Variants in BMPER observed in about 807,000 individuals in gnomAD.
BMPER encodes BMP binding endothelial regulator, also known as BMP-binding endothelial regulator protein.
Under a neutral mutation model 87.3 loss-of-function variants are expected in BMPER, and 45 were observed. That is an observed-to-expected ratio of 0.52 (90% CI 0.41 to 0.66). The LOEUF (loss-of-function observed/expected upper bound fraction) is 0.66. BMPER is among the 30% of genes least tolerant of loss of function. The pLI is 0.00. For missense variants in BMPER, 784 were observed against 867.5 expected, an observed-to-expected ratio of 0.90 and a Z score of 1.21; for synonymous variants, 326 against 316.2, an observed-to-expected ratio of 1.03 and a Z score of -0.33.
Position 33,928,882 on chromosome 7 carries a change from G to A in BMPER, c.220-8407G>A, listed in dbSNP as rs565421933. 1.8e-4 allele frequency among the ~76,000 whole-genome samples: 28 copies of A among 152,056 alleles called. 1 individual carries two copies. Among genetic ancestry groups the A allele is most frequent in the Admixed American group, 5.2e-4 (8 of 15,244 alleles). On this transcript the variant is annotated intron_variant, in intron 2 of 14. Transcript: ENST00000649409. ...TAGGGCCATATATCATCAGAACATC[G>A]TCTTTGTAGGGGATATGGGTACTAA...
chr7:34,053,754 G>T (rs1047656484), intron 8 of BMPER, among the ~76,000 whole-genome samples: 2 of 152,106 alleles, frequency 1.3e-5, no homozygotes, highest in Non-Finnish European at 2.9e-5. Flanking sequence ...TTGTCTCAGG[G>T]GTAGAAGAGG....
intron 6 of BMPER, among the ~76,000 whole-genome samples, chr7:34,002,938 T>C (rs1268019921): frequency 2.0e-5 from 3 of 151,598 alleles, no homozygotes; most frequent in Non-Finnish European, 4.4e-5. Flanking sequence ...TATATAGTTT[T>C]ATCCTGCTTT....
chr7:34,120,456 T>C (rs1790234590), intron 13 of BMPER, among the ~76,000 whole-genome samples: 1 of 151,758 alleles, frequency 6.6e-6, no homozygotes, highest in Non-Finnish European at 1.5e-5. Context: ...TGGAGTGCGA[T>C]GGCACAATCT....
intron 11 of BMPER, among the ~76,000 whole-genome samples, chr7:34,062,769 G>A (rs904012143): frequency 6.6e-6 from 1 of 152,122 alleles, no homozygotes; most frequent in Non-Finnish European, 1.5e-5. Flanking sequence ...AATACTGTAG[G>A]CAATTGTAAT....
At chr7:33,920,412 TC>T (rs1239877608) in intron 2 of BMPER, among the ~76,000 whole-genome samples, 1 of 131,338 alleles carries the variant, frequency 7.6e-6, no homozygotes, top group African/African-American at 3.0e-5. Context: ...CCAGGGAAAC[TC>T]CGTTGTGTTT....
intron 11 of BMPER, among the ~76,000 whole-genome samples, chr7:34,078,334 A>G (rs1425093525): frequency 1.3e-5 from 2 of 152,176 alleles, no homozygotes; most frequent in Non-Finnish European, 2.9e-5. Context: ...TGGCAGTTCT[A>G]TTGATTTATC....
intron 13 of BMPER, among the ~76,000 whole-genome samples, chr7:34,106,898 C>G (rs1195334832): frequency 6.6e-6 from 1 of 152,150 alleles, no homozygotes; most frequent in Non-Finnish European, 1.5e-5. Context: ...TTTCCAAATC[C>G]TACCCACCTT....
intron 14 of BMPER, among the ~76,000 whole-genome samples, chr7:34,149,652 G>T (rs1038682537): frequency 6.6e-6 from 1 of 151,500 alleles, no homozygotes; most frequent in African/African-American, 2.4e-5. Flanking sequence ...GAGAGAGAAG[G>T]TGTCTCCAGG....
intron 13 of BMPER, among the ~76,000 whole-genome samples, chr7:34,140,914 C>A (rs2127994033): frequency 6.6e-6 from 1 of 152,308 alleles, no homozygotes; most frequent in East Asian, 1.9e-4. Flanking sequence ...AGATGCCATT[C>A]CATCCAGGTC....
chr7:34,104,146 A>G lies in BMPER; in HGVS notation c.1745+18054A>G, dbSNP rs751561531. Among the ~76,000 whole-genome samples, 23 of 152,332 alleles carry G rather than the reference A, an allele frequency of 1.5e-4. 1 individual carries two copies. The highest frequency in any genetic ancestry group is 6.8e-3 in the Middle Eastern group (2 of 294). On this transcript the variant is annotated intron_variant, in intron 13 of 14. Coordinates refer to ENST00000649409, the MANE Select transcript of BMPER (RefSeq NM_001365308.1). ...TCCTTGCTTCTCCCTGTTCCAGCCC[A>G]GGCTAAGGACTATTTCTTTCTAGAA...
At chr7:34,055,415 A>C in intron 9 of BMPER, 112 bp downstream of exon 9, 5 of 1,282,668 alleles carry the variant, frequency 3.9e-6, no homozygotes, top group South Asian at 1.2e-5. Context: ...ACATATACAA[A>C]TGTATATGTG....
intron 2 of BMPER, among the ~76,000 whole-genome samples, chr7:33,934,132 T>C (rs1005129159): frequency 2.0e-5 from 3 of 152,204 alleles, no homozygotes; most frequent in East Asian, 1.9e-4. Flanking sequence ...CCTGAAGGCA[T>C]GGCTTTGCGT....
chr7:33,927,827 A>G (rs974341803), intron 2 of BMPER, among the ~76,000 whole-genome samples: 1 of 152,180 alleles, frequency 6.6e-6, no homozygotes, highest in African/African-American at 2.4e-5. Flanking sequence ...GTGGTTCATC[A>G]TCTTCTACTT....
chr7:33,917,667 G>A (rs536916580), intron 2 of BMPER, among the ~76,000 whole-genome samples: 2 of 152,158 alleles, frequency 1.3e-5, no homozygotes, highest in African/African-American at 4.8e-5. Context: ...CAAAGAGAAG[G>A]ATAGAATACA....
At chr7:34,021,204 T>C (rs1787178292) in intron 6 of BMPER, among the ~76,000 whole-genome samples, 1 of 152,066 alleles carries the variant, frequency 6.6e-6, no homozygotes, top group South Asian at 2.1e-4. Flanking sequence ...TAACCACTGA[T>C]GTTTGTTATC....
At position 33,999,245 on chromosome 7, in the gene BMPER, T is replaced by C. The variant is rs1786511486; in HGVS notation, c.576+24461T>C. Among the ~76,000 whole-genome samples, 3 of 152,328 alleles carry C rather than the reference T, an allele frequency of 2.0e-5. No individual in the cohort carries two copies. The South Asian group carries it at 6.2e-4, about 32-fold the overall frequency. On this transcript the variant is annotated intron_variant, in intron 6 of 14. Coordinates refer to ENST00000649409, the MANE Select transcript of BMPER (RefSeq NM_001365308.1). The stretch of plus-strand genomic sequence containing the variant: ...CCTGGGCACTGAGGACACCGTGAGC[T>C]TTGTCTGCAGAGGATGTGCAACTTG...
intron 6 of BMPER, among the ~76,000 whole-genome samples, chr7:34,037,755 C>T (rs1458750090): frequency 1.3e-5 from 2 of 152,176 alleles, no homozygotes; most frequent in Non-Finnish European, 2.9e-5. Flanking sequence ...TATAATTTGC[C>T]TATGACAAAA....
intron 7 of BMPER, among the ~76,000 whole-genome samples, chr7:34,049,716 T>C (rs925575808): frequency 6.6e-6 from 1 of 152,112 alleles, no homozygotes; most frequent in Non-Finnish European, 1.5e-5. Flanking sequence ...ATGAAGCACA[T>C]GTAGATAAAG....
intron 3 of BMPER, among the ~76,000 whole-genome samples, chr7:33,961,624 A>G (rs1785273544): frequency 6.6e-6 from 1 of 152,190 alleles, no homozygotes; most frequent in Admixed American, 6.5e-5. Flanking sequence ...GTGGGAGGGC[A>G]CTGAAGAAGG....
Sources: gnomAD v4.1 joint callset for allele counts (sites outside exome capture counted in the v4.1 genomes callset) on GRCh38, gnomAD v4.1.1 for gene constraint, MANE v1.5 for transcripts, NCBI Gene and HGNC (gene_info 2026-07-23, HGNC 2026-07-21) for gene names.